KLF12: variants seen among roughly 807,000 people sequenced by gnomAD.
The protein encoded by KLF12 is KLF transcription factor 12.
A neutral mutation model predicts 37.8 loss-of-function variants in KLF12; 9 were observed. That is an observed-to-expected ratio of 0.24 (90% CI 0.14 to 0.42). The LOEUF is 0.42. Among genes scored for constraint, KLF12 ranks in the 10% least tolerant of loss-of-function variants. The pLI is 1.00. For missense variants in KLF12, 411 were observed against 516.0 expected, an observed-to-expected ratio of 0.80 and a Z score of 1.97; for synonymous variants, 208 against 202.1, an observed-to-expected ratio of 1.03 and a Z score of -0.25.
chr13:73,796,687 A>G (rs1340948608), intron 5 of KLF12, among the ~76,000 whole-genome samples: 1 of 152,152 alleles, frequency 6.6e-6, no homozygotes, highest in Non-Finnish European at 1.5e-5. Flanking sequence ...ACACGCATCT[A>G]CCTTTGAGCT....
intron 3 of KLF12, among the ~76,000 whole-genome samples, chr13:73,880,881 T>A (rs776854016): frequency 1.3e-5 from 2 of 152,240 alleles, no homozygotes; most frequent in African/African-American, 4.8e-5. Context: ...TCAAAACTTT[T>A]GCTTTTAAAA....
At chr13:73,709,447 TAAG>T (rs1358588410) in intron 7 of KLF12, among the ~76,000 whole-genome samples, 1 of 152,178 alleles carries the variant, frequency 6.6e-6, no homozygotes, top group African/African-American at 2.4e-5. Context: ...AAGGTAAGGC[TAAG>T]AAGATGTTTA....
chr13:74,208,172 T>G, the KLF12 span, among the ~76,000 whole-genome samples: 1 of 152,332 alleles, frequency 6.6e-6, no homozygotes, highest in African/African-American at 2.4e-5. Context: ...GATCATATCT[T>G]TACATTAATA....
chr13:74,048,638 A>G (rs934052761), intron 1 of KLF12, among the ~76,000 whole-genome samples: 5 of 152,174 alleles, frequency 3.3e-5, no homozygotes, highest in African/African-American at 1.2e-4. Context: ...TGGAATAGAT[A>G]AGGAAATAAG....
At chr13:73,763,915 A>T (rs755441860) in intron 6 of KLF12, among the ~76,000 whole-genome samples, 1 of 152,208 alleles carries the variant, frequency 6.6e-6, no homozygotes, top group Non-Finnish European at 1.5e-5. Flanking sequence ...AGAAAAGCAC[A>T]ATATTTAACA....
At chr13:74,267,156 C>T in the KLF12 span, among the ~76,000 whole-genome samples, 2 of 152,060 alleles carry the variant, frequency 1.3e-5, no homozygotes, top group East Asian at 3.8e-4. Flanking sequence ...ATGATGGTCC[C>T]CAAAAGATAT....
chr13:73,843,325 A>G (rs1199559156), intron 4 of KLF12, among the ~76,000 whole-genome samples: 1 of 149,902 alleles, frequency 6.7e-6, no homozygotes, highest in Non-Finnish European at 1.5e-5. Flanking sequence ...TTTTTTTTAG[A>G]TAAGAGTCTC....
Position 74,052,435 on chromosome 13 carries a change from G to C in KLF12, c.-31-57382C>G, listed in dbSNP as rs547135928. On this transcript the variant is annotated intron_variant, in intron 1 of 7. Transcript: ENST00000377669. ...TAAGTTTTCTATTACTCCCATTCTT[G>C]AGATGACTATTTTCTACTGAAAATA... Among the ~76,000 whole-genome samples the C allele has an allele frequency of 3.9e-5, 6 of 152,084 alleles. No individual in the cohort carries two copies. In the South Asian group the frequency reaches 1.2e-3, roughly 32 times the overall value.
At chr13:73,784,521 C>A (rs1407030446) in intron 5 of KLF12, among the ~76,000 whole-genome samples, 1 of 151,934 alleles carries the variant, frequency 6.6e-6, no homozygotes, top group African/African-American at 2.4e-5. Context: ...TTGCTGACCC[C>A]CCACTCCGCA....
At chr13:73,783,190 C>A (rs766938214) in intron 5 of KLF12, among the ~76,000 whole-genome samples, 2 of 151,638 alleles carry the variant, frequency 1.3e-5, no homozygotes, top group Non-Finnish European at 2.9e-5. Flanking sequence ...ATGCATGGAA[C>A]TGAGGTCATT....
At chr13:73,970,826 A>C (rs1566487694) in intron 2 of KLF12, among the ~76,000 whole-genome samples, 1 of 152,226 alleles carries the variant, frequency 6.6e-6, no homozygotes, top group African/African-American at 2.4e-5. Context: ...TGTTCTAACA[A>C]ATGTTTTCTT....
At chr13:74,250,602 C>T in the KLF12 span, among the ~76,000 whole-genome samples, 150 of 152,176 alleles carry the variant, frequency 9.9e-4, 1 homozygote, top group Middle Eastern at 3.4e-3. Flanking sequence ...AGCTTAACCC[C>T]GTTCCTGGTA....
At chr13:73,886,533 C>T (rs1379465957) in intron 3 of KLF12, among the ~76,000 whole-genome samples, 1 of 152,068 alleles carries the variant, frequency 6.6e-6, no homozygotes, top group Non-Finnish European at 1.5e-5. Flanking sequence ...GGCCTAATAC[C>T]TAGGTGATGG....
intron 3 of KLF12, among the ~76,000 whole-genome samples, chr13:73,878,279 T>A (rs1886812572): frequency 6.6e-6 from 1 of 152,118 alleles, no homozygotes; most frequent in Non-Finnish European, 1.5e-5. Flanking sequence ...GATAATCACA[T>A]AAAATTATAC....
the KLF12 span, among the ~76,000 whole-genome samples, chr13:74,152,412 G>C: frequency 6.6e-6 from 1 of 152,052 alleles, no homozygotes; most frequent in Non-Finnish European, 1.5e-5. Context: ...TTTACCTTCA[G>C]GTTCGTACCC....
chr13:73,741,533 A>AG (rs1877979405), intron 6 of KLF12, among the ~76,000 whole-genome samples: 1 of 152,190 alleles, frequency 6.6e-6, no homozygotes, highest in African/African-American at 2.4e-5. Context: ...TAGGCCAATA[A>AG]CACATTCTCT....
intron 1 of KLF12, among the ~76,000 whole-genome samples, chr13:74,082,491 GCAC>G (rs1874974842): frequency 6.6e-6 from 1 of 151,950 alleles, no homozygotes; most frequent in Non-Finnish European, 1.5e-5. Context: ...CATTCATTTA[GCAC>G]CACACTTGGT....
At chr13:73,983,213 C>A (rs1048339479) in intron 2 of KLF12, among the ~76,000 whole-genome samples, 3 of 152,134 alleles carry the variant, frequency 2.0e-5, no homozygotes, top group African/African-American at 7.2e-5. Context: ...TATGGCTCAA[C>A]CAGAACGCCA....
intron 1 of KLF12, among the ~76,000 whole-genome samples, chr13:74,031,292 A>G (rs1384317719): frequency 6.6e-6 from 1 of 152,148 alleles, no homozygotes; most frequent in Non-Finnish European, 1.5e-5. Flanking sequence ...CATAAATTAG[A>G]TTTACACTCA....
Sources: allele counts gnomAD v4.1 joint callset (sites outside exome capture counted in the v4.1 genomes callset), GRCh38; gene constraint gnomAD v4.1.1; transcripts MANE v1.5; gene names NCBI Gene and HGNC (gene_info 2026-07-23, HGNC 2026-07-21).